Variants in CDH6 observed in about 807,000 individuals in gnomAD.
CDH6 encodes cadherin 6.
CDH6 carries 31 observed loss-of-function variants against 78.0 expected under a neutral mutation model. The ratio of observed to expected loss-of-function variants is 0.40; its 90% confidence interval spans 0.30 to 0.54. The LOEUF (loss-of-function observed/expected upper bound fraction) is 0.54, where lower values mean the gene tolerates loss of function less well. Among genes scored for constraint, CDH6 ranks in the 20% least tolerant of loss-of-function variants. The pLI, the probability that CDH6 is intolerant of heterozygous loss-of-function variation, is 0.56. For synonymous variants in CDH6, 376 were observed against 368.8 expected (o/e 1.02, Z -0.23); for missense variants, 724 against 975.9 (o/e 0.74, Z 3.44).
chr5:31,217,500 A>G lies in CDH6; in HGVS notation c.-129+23614A>G, dbSNP rs141573215. On this transcript the variant is annotated intron_variant, in intron 1 of 11. Coordinates refer to ENST00000265071, the MANE Select transcript of CDH6 (RefSeq NM_004932.4). Reference sequence around the variant, plus strand: ...GAAAACCTGGACCTATATTATTTCAAAATAAATAGCTGGATACTCACAAGT... The same window carrying G: ...GAAAACCTGGACCTATATTATTTCAGAATAAATAGCTGGATACTCACAAGT... Among the ~76,000 whole-genome samples, 151 of 152,300 alleles carry G rather than the reference A, an allele frequency of 9.9e-4. 1 individual carries two copies. Among genetic ancestry groups the G allele is most frequent in the African/African-American group, 3.6e-3 (148 of 41,558 alleles).
Position 31,292,707 on chromosome 5 carries a change from T to C in CDH6, c.229-1255T>C, listed in dbSNP as rs138379999. Among the ~76,000 whole-genome samples the C allele has an allele frequency of 3.2e-4, 48 of 151,410 alleles. 2 individuals carry two copies. The highest frequency in any genetic ancestry group is 1.1e-3 in the African/African-American group (46 of 41,236). On this transcript the variant is annotated intron_variant, in intron 2 of 11. Transcript: ENST00000265071. ...TCAATAAAAAGCACTTTTCGAAAATTTGCAAATAGGGTTAAATTATCTGAA... is the reference window on the plus strand; with the variant it reads ...TCAATAAAAAGCACTTTTCGAAAATCTGCAAATAGGGTTAAATTATCTGAA...
chr5:31,236,066 T>A (rs1447073988), intron 1 of CDH6, among the ~76,000 whole-genome samples: 1 of 152,218 alleles, frequency 6.6e-6, no homozygotes, highest in African/African-American at 2.4e-5. Flanking sequence ...TCAGATTTTT[T>A]AATGAGAACC....
chr5:31,267,732 G>A (rs759085171), intron 2 of CDH6, 31 bp downstream of exon 2: 1 of 1,518,502 alleles, frequency 6.6e-7, no homozygotes, highest in Non-Finnish European at 9.1e-7. Flanking sequence ...TTGACATTCT[G>A]GGTTTAAAGC....
At chr5:31,316,355 A>C in intron 9 of CDH6, 26 bp downstream of exon 9, 2 of 1,592,608 alleles carry the variant, frequency 1.3e-6, no homozygotes, top group South Asian at 2.3e-5. Context: ...AAGTATATTC[A>C]AGTTGAACAT....
intron 11 of CDH6, chr5:31,319,177 T>G (rs1230148859): frequency 1.1e-5 from 2 of 174,266 alleles, no homozygotes; most frequent in African/African-American, 2.4e-5. Flanking sequence ...TTCCATGGAC[T>G]CTTTTTGTCA....
chr5:31,281,125 A>G (rs1236530037), intron 2 of CDH6, among the ~76,000 whole-genome samples: 2 of 152,216 alleles, frequency 1.3e-5, no homozygotes, highest in Non-Finnish European at 2.9e-5. Flanking sequence ...AAGTCAACAT[A>G]AAAGAATATA....
In CDH6 at chr5:31,220,040, T is replaced by C. The variant is rs1240079724; in HGVS notation, c.-129+26154T>C. Among the ~76,000 whole-genome samples the C allele has an allele frequency of 2.0e-5, 3 of 152,190 alleles. No individual in the cohort carries two copies. The East Asian group carries it at 5.8e-4, about 29-fold the overall frequency. On this transcript the variant is annotated intron_variant, in intron 1 of 11. Coordinates refer to ENST00000265071, the MANE Select transcript of CDH6 (RefSeq NM_004932.4). ...TAAACCTCTCTTTTATTTTGCATAG[T>C]TTAGTGTAATACATTTGTTATTAAA...
At chr5:31,261,443 G>C (rs1460717274) in intron 1 of CDH6, among the ~76,000 whole-genome samples, 1 of 143,768 alleles carries the variant, frequency 7.0e-6, no homozygotes, top group Non-Finnish European at 1.5e-5. Context: ...TCATCCAATG[G>C]GGTAGGATGA....
intron 1 of CDH6, among the ~76,000 whole-genome samples, chr5:31,202,970 A>G (rs1740401504): frequency 6.6e-6 from 1 of 151,988 alleles, no homozygotes; most frequent in South Asian, 2.1e-4. Context: ...TCTAATTACC[A>G]ATGCAAAATG....
chr5:31,207,336 T>A (rs893832124), intron 1 of CDH6, among the ~76,000 whole-genome samples: 1 of 152,170 alleles, frequency 6.6e-6, no homozygotes, highest in East Asian at 1.9e-4. Context: ...ACACTCACAC[T>A]CCTTGCTAAT....
intron 2 of CDH6, among the ~76,000 whole-genome samples, chr5:31,274,424 A>G (rs1170285905): frequency 6.6e-6 from 1 of 152,234 alleles, no homozygotes; most frequent in Non-Finnish European, 1.5e-5. Context: ...GCAGAGTAAC[A>G]GAGAAAGCCT....
In CDH6 at chr5:31,323,880, G is replaced by A. The variant is rs1172953344; in HGVS notation, c.*572G>A. The A allele has an allele frequency of 4.4e-6, 1 of 229,108 alleles. No individual in the cohort carries two copies. The highest frequency in any genetic ancestry group is 2.2e-5 in the African/African-American group (1 of 45,082). The allele number at this position is 229,108 out of a possible 1,614,324, so 14.2% of individuals were successfully genotyped here. A position where few individuals can be genotyped will look rare whatever the true frequency, so the allele number is the denominator to read the frequency against. ...TTCAAAACCTCAAATCCACCCATATGTTAAAATTCTCATTACTCTTAAGGA... is the reference window on the plus strand; with the variant it reads ...TTCAAAACCTCAAATCCACCCATATATTAAAATTCTCATTACTCTTAAGGA... On this transcript the variant is annotated 3_prime_UTR_variant, in exon 12 of 12. Transcript: ENST00000265071.
chr5:31,283,313 T>C (rs4389703), intron 2 of CDH6, among the ~76,000 whole-genome samples: 62,699 of 152,030 alleles, frequency 0.41, 12,997 homozygotes, highest in Middle Eastern at 0.45. Flanking sequence ...CAGAGTAAGC[T>C]TTTAATGAAT....
At chr5:31,279,362 GT>G (rs1742791480) in intron 2 of CDH6, among the ~76,000 whole-genome samples, 1 of 152,084 alleles carries the variant, frequency 6.6e-6, no homozygotes, top group East Asian at 1.9e-4. Context: ...GAGCCCAGAA[GT>G]GCCAGACCAG....
At chr5:31,232,302 G>A (rs1741331212) in intron 1 of CDH6, among the ~76,000 whole-genome samples, 1 of 152,178 alleles carries the variant, frequency 6.6e-6, no homozygotes, top group Non-Finnish European at 1.5e-5. Context: ...CTGGAAAACA[G>A]TAAAATAATT....
At position 31,323,063 on chromosome 5, in the gene CDH6, A is replaced by T. The variant is rs891871146; in HGVS notation, c.2128A>T (p.Thr710Ser). 6.2e-7 allele frequency: 1 copy of T among 1,613,972 alleles called. No homozygotes were observed. The change falls in exon 12 of 12, where the codon ACC becomes TCC. Residue 710 changes from threonine (T) to serine (S), a missense_variant. Around this residue, in one of 3 missense-constraint regions of CDH6, gnomAD observed 220 missense variants for 240.6 expected, o/e 0.91. Coordinates refer to ENST00000265071, the MANE Select transcript of CDH6 (RefSeq NM_004932.4). ...ACGGACTCCAACAGCTCGCGACAAC[A>T]CCGATGTCAGAGATTTCATTAACCA... ...PRRTPTARDN[T>S]DVRDFINQRL...
intron 1 of CDH6, among the ~76,000 whole-genome samples, chr5:31,260,492 A>G (rs900863483): frequency 9.9e-5 from 15 of 152,278 alleles, no homozygotes; most frequent in African/African-American, 3.6e-4. Context: ...TTCTGTTCCA[A>G]GTATTTCACT....
At chr5:31,286,187 G>T (rs548288801) in intron 2 of CDH6, among the ~76,000 whole-genome samples, 3 of 152,224 alleles carry the variant, frequency 2.0e-5, no homozygotes, top group African/African-American at 7.2e-5. Flanking sequence ...TGTATATCAG[G>T]CTCTGAGGAT....
At chr5:31,219,949 A>G (rs1295395538) in intron 1 of CDH6, among the ~76,000 whole-genome samples, 1 of 152,166 alleles carries the variant, frequency 6.6e-6, no homozygotes, top group Non-Finnish European at 1.5e-5. Flanking sequence ...TCCCCTCTTA[A>G]TTTCCACACA....
Sources: allele counts gnomAD v4.1 joint callset (sites outside exome capture counted in the v4.1 genomes callset), GRCh38; gene constraint gnomAD v4.1.1; regional missense constraint gnomAD v4.1.1; transcripts MANE v1.5; gene names NCBI Gene and HGNC (gene_info 2026-07-23, HGNC 2026-07-21).